The following IPCEF1 variants were observed in gnomAD, a reference collection of about 807,000 sequenced individuals.
IPCEF1 encodes the protein interactor protein for cytohesin exchange factors 1.
Under a neutral mutation model 50.9 loss-of-function variants are expected in IPCEF1, and 31 were observed. That is an observed-to-expected ratio of 0.61 (90% confidence interval 0.46 to 0.82). The LOEUF is 0.82. Ranked by LOEUF, IPCEF1 falls within the 40% of genes least tolerant of loss-of-function variation. The pLI is 0.00. For missense variants in IPCEF1, 458 were observed against 514.0 expected, an observed-to-expected ratio of 0.89 and a Z score of 1.05; for synonymous variants, 181 against 192.0, an observed-to-expected ratio of 0.94 and a Z score of 0.47.
In IPCEF1 at chr6:154,154,735, T is replaced by A. The variant is rs1798644000; in HGVS notation, c.*5093A>T. ...CCTAGATATATTTTTTTCTTATTTTTATTTTTATCTTACAAGTCAACCTCA... is the reference window on the plus strand; with the variant it reads ...CCTAGATATATTTTTTTCTTATTTTAATTTTTATCTTACAAGTCAACCTCA... On this transcript the variant is annotated 3_prime_UTR_variant, in exon 12 of 12. Transcript: ENST00000367220. The A allele has an allele frequency of 1.3e-5, 2 of 152,568 alleles. No individual in the cohort carries two copies. The highest frequency in any genetic ancestry group is 4.1e-4 in the South Asian group (2 of 4,824). The allele number at this position is 152,568 out of a possible 1,614,324, so 9.5% of individuals were successfully genotyped here. A position where few individuals can be genotyped will look rare whatever the true frequency, so the allele number is the denominator to read the frequency against.
At position 154,351,094 on chromosome 6, in the gene IPCEF1, C is replaced by T. The variant is rs150639348; in HGVS notation, c.-62+5578G>A. Among the ~76,000 whole-genome samples, 296 of 152,284 alleles carry T rather than the reference C, an allele frequency of 1.9e-3. 1 individual carries two copies. Among genetic ancestry groups the T allele is most frequent in the African/African-American group, 6.9e-3 (285 of 41,540 alleles). On this transcript the variant is annotated intron_variant, in intron 1 of 11. Coordinates refer to ENST00000367220, the MANE Select transcript of IPCEF1 (RefSeq NM_001130700.2). The stretch of plus-strand genomic sequence containing the variant: ...GGAGAAGTTAAATGCTTGCTTGTAG[C>T]GCAAAACTATCATATACTACAGGCA...
chr6:154,310,345 G>A (rs577360331), intron 1 of IPCEF1, among the ~76,000 whole-genome samples: 2 of 152,304 alleles, frequency 1.3e-5, no homozygotes, highest in South Asian at 4.1e-4. Flanking sequence ...TGTTAGAATG[G>A]CTATTTTCTT....
intron 5 of IPCEF1, among the ~76,000 whole-genome samples, chr6:154,226,303 G>A (rs1266989731): frequency 6.6e-6 from 1 of 152,190 alleles, no homozygotes; most frequent in Admixed American, 6.5e-5. Context: ...TCCTGTCCCA[G>A]ATTTCCAACT....
intron 10 of IPCEF1, among the ~76,000 whole-genome samples, chr6:154,185,136 C>A (rs1801222716): frequency 6.6e-6 from 1 of 152,094 alleles, no homozygotes; most frequent in African/African-American, 2.4e-5. Context: ...ATATTATTGT[C>A]CCCTGAGCCT....
intron 10 of IPCEF1, among the ~76,000 whole-genome samples, chr6:154,178,286 A>T (rs1800530575): frequency 6.6e-6 from 1 of 152,196 alleles, no homozygotes; most frequent in Non-Finnish European, 1.5e-5. Flanking sequence ...CTTAAAGTAT[A>T]ATAATAAAAA....
At chr6:154,251,565 C>A (rs1442686047) in intron 3 of IPCEF1, among the ~76,000 whole-genome samples, 1 of 152,130 alleles carries the variant, frequency 6.6e-6, no homozygotes, top group African/African-American at 2.4e-5. Flanking sequence ...GAAATTAAAG[C>A]AAACGGAGCT....
At chr6:154,302,774 C>A (rs958062887) in intron 1 of IPCEF1, among the ~76,000 whole-genome samples, 11 of 152,168 alleles carry the variant, frequency 7.2e-5, no homozygotes, top group African/African-American at 2.6e-4. Context: ...TGTGCCTGGC[C>A]CAAGTCTCAG....
In IPCEF1 at chr6:154,340,613, C is replaced by T. The variant is rs951439108; in HGVS notation, c.-62+16059G>A. 2.0e-5 allele frequency among the ~76,000 whole-genome samples: 3 copies of T among 151,142 alleles called. No homozygotes were observed. The South Asian group carries it at 6.4e-4, about 32-fold the overall frequency. ...TAAAATATGTAAGAAGGGCCAGGCGCGGTGACTCACGCCTGTAATCCCAGC... is the reference window on the plus strand; with the variant it reads ...TAAAATATGTAAGAAGGGCCAGGCGTGGTGACTCACGCCTGTAATCCCAGC... On this transcript the variant is annotated intron_variant, in intron 1 of 11. Coordinates refer to ENST00000367220, the MANE Select transcript of IPCEF1 (RefSeq NM_001130700.2).
At chr6:154,266,585 T>TATATATATAC (rs71021035) in intron 2 of IPCEF1, among the ~76,000 whole-genome samples, 1,611 of 135,552 alleles carry the variant, frequency 0.012, 15 homozygotes, top group Non-Finnish European at 0.017. Flanking sequence ...TATATATATA[T>TATATATATAC]ACACACAAAC....
intron 1 of IPCEF1, among the ~76,000 whole-genome samples, chr6:154,344,180 C>CTTGT (rs1783979644): frequency 1.3e-5 from 2 of 152,152 alleles, no homozygotes; most frequent in Non-Finnish European, 2.9e-5. Context: ...AGGGGAACTG[C>CTTGT]TTCTTTCTTT....
intron 11 of IPCEF1, among the ~76,000 whole-genome samples, chr6:154,164,905 G>A (rs1225190709): frequency 6.6e-6 from 1 of 152,174 alleles, no homozygotes; most frequent in East Asian, 1.9e-4. Context: ...TTTTGCTCAA[G>A]TTCAACTTGG....
intron 5 of IPCEF1, among the ~76,000 whole-genome samples, chr6:154,234,560 C>G (rs1350898584): frequency 6.6e-6 from 1 of 152,208 alleles, no homozygotes; most frequent in African/African-American, 2.4e-5. Context: ...CCTTACTATT[C>G]CCTCCTAAAA....
intron 10 of IPCEF1, among the ~76,000 whole-genome samples, chr6:154,172,393 A>C (rs1799945827): frequency 6.6e-6 from 1 of 152,184 alleles, no homozygotes; most frequent in African/African-American, 2.4e-5. Context: ...AGCCAAGGGA[A>C]GCCATGAGTA....
intron 1 of IPCEF1, among the ~76,000 whole-genome samples, chr6:154,295,870 CACACACACACACACACACAT>C (rs1562583490): frequency 2.9e-5 from 1 of 34,284 alleles, no homozygotes; most frequent in Non-Finnish European, 4.3e-5. Flanking sequence ...TGCACACGCA[CACACACACACACACACACAT>C]GCGTACACAC....
intron 5 of IPCEF1, among the ~76,000 whole-genome samples, chr6:154,229,636 G>T (rs1319587985): frequency 6.6e-6 from 1 of 152,032 alleles, no homozygotes; most frequent in Non-Finnish European, 1.5e-5. Context: ...GATTACAGGC[G>T]TGAGCCACCG....
chr6:154,276,245 AGGT>A (rs71556300), intron 2 of IPCEF1, among the ~76,000 whole-genome samples: 27,623 of 149,702 alleles, frequency 0.18, 3,238 homozygotes, highest in East Asian at 0.64. Context: ...GAAAGAGAAA[AGGT>A]GGGAGGGAGG....
chr6:154,255,704 T>A (rs550890153), intron 3 of IPCEF1, among the ~76,000 whole-genome samples: 1 of 152,324 alleles, frequency 6.6e-6, no homozygotes, highest in Non-Finnish European at 1.5e-5. Context: ...TAGCTCTTTT[T>A]TAATCTCTTT....
intron 10 of IPCEF1, among the ~76,000 whole-genome samples, chr6:154,190,142 A>C: frequency 6.6e-6 from 1 of 152,164 alleles, no homozygotes; most frequent in East Asian, 1.9e-4. Flanking sequence ...AACTCACAAA[A>C]TATAAGACTG....
At chr6:154,351,567 G>A (rs1198096985) in intron 1 of IPCEF1, among the ~76,000 whole-genome samples, 3 of 152,138 alleles carry the variant, frequency 2.0e-5, no homozygotes, top group Non-Finnish European at 1.5e-5. Context: ...GCTCAGACTC[G>A]CCCTTGGTGT....
Sources: allele counts gnomAD v4.1 joint callset (sites outside exome capture counted in the v4.1 genomes callset), GRCh38; gene constraint gnomAD v4.1.1; transcripts MANE v1.5; gene names NCBI Gene and HGNC (gene_info 2026-07-23, HGNC 2026-07-21).